The following COPB1 variants were observed in gnomAD, a reference collection of about 807,000 sequenced individuals.
The protein encoded by COPB1 is coatomer subunit beta.
In COPB1, 21 loss-of-function variants were observed where a neutral mutation model predicts 108.7. That is an observed-to-expected ratio of 0.19 (90% CI 0.14 to 0.28). The LOEUF (loss-of-function observed/expected upper bound fraction) is 0.28. Ranked by LOEUF, COPB1 falls within the 10% of genes least tolerant of loss-of-function variation. The pLI, the probability that COPB1 is intolerant of heterozygous loss-of-function variation, is 1.00. For synonymous variants in COPB1, 378 were observed against 386.8 expected (o/e 0.98, Z 0.27); for missense variants, 919 against 1,141.3 (o/e 0.81, Z 2.81).
At chr11:14,485,078 G>A (rs1017381628) in intron 7 of COPB1, among the ~76,000 whole-genome samples, 1 of 152,164 alleles carries the variant, frequency 6.6e-6, no homozygotes, top group Admixed American at 6.5e-5. Flanking sequence ...ATAGCTAACT[G>A]CAGTCTTGAA....
chr11:14,490,812 CAG>C (rs1431244155), intron 4 of COPB1, 133 bp from the exon 5 acceptor site: 5 of 563,676 alleles, frequency 8.9e-6, no homozygotes, highest in Non-Finnish European at 1.5e-5. Context: ...TTTTTGGAGA[CAG>C]AGTCTCACTC....
rs138051240 is a variant in COPB1 at position 14,479,677 on chromosome 11, G to C, written c.1250C>G (p.Ala417Gly). The change falls in exon 11 of 22, where the codon GCT (alanine) becomes GGT (glycine). Residue 417 changes from alanine (A) to glycine (G), a missense_variant. Ala to Gly is a moderately conservative substitution (Grantham distance 60). Around this residue, in one of 5 missense-constraint regions of COPB1, gnomAD observed 705 missense variants for 817.8 expected, o/e 0.86. Coordinates refer to ENST00000439561, the MANE Select transcript of COPB1 (RefSeq NM_001144061.2). ...EFLSDNNEAAAADVLEFVREA... is the reference protein window; with the variant it reads ...EFLSDNNEAAGADVLEFVREA... ...ACGAACAAACTCCAAGACATCAGCA[G>C]CTGCTGCTTCGTTGTTGTCACTGAG... The C allele has an allele frequency of 6.2e-7, 1 of 1,606,512 alleles. No homozygotes were observed. Among genetic ancestry groups the C allele is most frequent in the African/African-American group, 1.3e-5 (1 of 74,308 alleles).
rs1485476782 is a variant in COPB1, at chr11:14,480,771, A to G, written c.1200T>C (p.Asn400=). The G allele has an allele frequency of 6.2e-7, 1 of 1,613,526 alleles. No individual in the cohort carries two copies. The part of the protein sequence containing the change: ...CSVRFPDMAA[N]VIPVLMEFLS... ...CAGAATTACATACCACAGGAATAAC[A>G]TTTGCAGCCATATCTGGAAATCGGA... Residue 400 remains asparagine, a synonymous_variant, in exon 10 of 22, where the codon AAT becomes AAC. Transcript: ENST00000439561.
chr11:14,477,395 A>AAAAAAAAAAAAAAAAAAAAAAAAAAAAT (rs1565017838), intron 11 of COPB1, among the ~76,000 whole-genome samples: 1 of 141,722 alleles, frequency 7.1e-6, no homozygotes, highest in Non-Finnish European at 1.5e-5. Context: ...GTCTCAAAAA[A>AAAAAAAAAAAAAAAAAAAAAAAAAAAAT]AAAAAAAAAA....
At chr11:14,482,298 GCACTGC>G (rs1850676766) in intron 8 of COPB1, among the ~76,000 whole-genome samples, 1 of 152,082 alleles carries the variant, frequency 6.6e-6, no homozygotes, top group Admixed American at 6.5e-5. Flanking sequence ...TCCAAGATCA[GCACTGC>G]ATTTACCTGC....
At chr11:14,491,534 T>C (rs1197142456) in intron 4 of COPB1, among the ~76,000 whole-genome samples, 7 of 152,144 alleles carry the variant, frequency 4.6e-5, no homozygotes, top group Non-Finnish European at 2.9e-5. Flanking sequence ...CCAGGCGTGG[T>C]AGCGCATGCC....
At chr11:14,476,455 A>T (rs2575837) in intron 12 of COPB1, among the ~76,000 whole-genome samples, 1 of 152,052 alleles carries the variant, frequency 6.6e-6, no homozygotes, top group African/African-American at 2.4e-5. Flanking sequence ...ATTACCTAAT[A>T]TAAGAGCACT....
At chr11:14,488,642 T>C (rs1249909454) in intron 5 of COPB1, 58 bp from the exon 6 acceptor site, 47 of 1,122,224 alleles carry the variant, frequency 4.2e-5, no homozygotes, top group Non-Finnish European at 5.8e-5. Context: ...AAGGACTTAA[T>C]GCATCTTAAA....
intron 20 of COPB1, among the ~76,000 whole-genome samples, chr11:14,459,781 T>A (rs978444224): frequency 3.9e-5 from 6 of 152,100 alleles, no homozygotes; most frequent in Admixed American, 6.5e-5. Context: ...CACACCTGGG[T>A]AATTTTTGTA....
intron 6 of COPB1, among the ~76,000 whole-genome samples, chr11:14,487,814 C>A (rs895066892): frequency 8.5e-5 from 13 of 152,114 alleles, no homozygotes; most frequent in South Asian, 6.2e-4. Flanking sequence ...CAGCTATAAT[C>A]AGTTAGTAAT....
intron 2 of COPB1, among the ~76,000 whole-genome samples, chr11:14,496,747 T>C (rs1242884520): frequency 6.7e-6 from 1 of 149,752 alleles, no homozygotes. Flanking sequence ...GCCAAAGCTA[T>C]CCTAAGCAAA....
chr11:14,466,266 T>C lies in COPB1; in HGVS notation c.2290+16A>G. On this transcript the variant is annotated intron_variant, in intron 17 of 21. Coordinates refer to ENST00000439561, the MANE Select transcript of COPB1 (RefSeq NM_001144061.2). Reference sequence around the variant, plus strand: ...ACTATGTGACAATCTCTTTCCTGAATGGTAAGTTTCCTCACCTAGTGTAGC... The same window carrying C: ...ACTATGTGACAATCTCTTTCCTGAACGGTAAGTTTCCTCACCTAGTGTAGC... The C allele has an allele frequency of 6.2e-7, 1 of 1,611,732 alleles. No individual in the cohort carries two copies. Among genetic ancestry groups the C allele is most frequent in the Middle Eastern group, 1.7e-4 (1 of 6,052 alleles).
In COPB1 at chr11:14,457,868, G is replaced by C; in HGVS notation, c.2818C>G (p.Leu940Val). ...TGTGACAAGTTGATTTTATCTCCAA[G>C]ACTTAAGGCCATTCCCTGTAAAGAA... ...RAKSQGMALS[L>V]GDKINLSQKK... Residue 940 changes from leucine (L) to valine (V), a missense_variant, in exon 22 of 22, where the codon CTT (leucine) becomes GTT (valine). Transcript: ENST00000439561. 6.3e-7 allele frequency: 1 copy of C among 1,582,648 alleles called. No individual in the cohort carries two copies. The highest frequency in any genetic ancestry group is 8.6e-7 in the Non-Finnish European group (1 of 1,157,728).
At chr11:14,462,214 T>C (rs1565010920) in intron 18 of COPB1, among the ~76,000 whole-genome samples, 2 of 151,762 alleles carry the variant, frequency 1.3e-5, no homozygotes. Context: ...ACATTCCTCT[T>C]TCTAGGCTCT....
At chr11:14,458,439 C>T (rs1850074085) in intron 21 of COPB1, 93 bp downstream of exon 21, 1 of 1,254,892 alleles carries the variant, frequency 8.0e-7, no homozygotes, top group South Asian at 1.6e-5. Context: ...GCATCTAATG[C>T]TAAAAAGATA....
At position 14,468,623 on chromosome 11, in the gene COPB1, A is replaced by G. The variant is rs141011288; in HGVS notation, c.2145+58T>C. On this transcript the variant is annotated intron_variant, in intron 16 of 21. Coordinates refer to ENST00000439561, the MANE Select transcript of COPB1 (RefSeq NM_001144061.2). ...TCTTTCTTTTAAAAATAGCAGCACT[A>G]ACAACTTCCTTAAGGAGTCGATTTA... is the stretch of plus-strand genomic sequence containing the variant. The G allele has an allele frequency of 5.6e-5, 84 of 1,513,328 alleles. No homozygotes were observed. In the African/African-American group the frequency reaches 9.3e-4, roughly 17 times the overall value. The allele number at this position is 1,513,328 out of a possible 1,614,324, so 93.7% of individuals were successfully genotyped here.
intron 15 of COPB1, 102 bp downstream of exon 15, chr11:14,469,234 G>A (rs1450345065): frequency 5.4e-6 from 5 of 930,380 alleles, no homozygotes; most frequent in Admixed American, 1.8e-5. Context: ...TGGCCCCAAG[G>A]AGTCCTCCTG....
chr11:14,458,647 T>C lies in COPB1; in HGVS notation c.2687A>G (p.Tyr896Cys), dbSNP rs1850078478. 6.2e-7 allele frequency: 1 copy of C among 1,613,022 alleles called. No homozygotes were observed. Among genetic ancestry groups the C allele is most frequent in the Non-Finnish European group, 8.5e-7 (1 of 1,179,588 alleles). Residue 896 changes from tyrosine (Y) to cysteine (C), a missense_variant, in exon 21 of 22, where the codon TAT becomes TGT. By Grantham distance (194) the Tyr-to-Cys change is radical. Coordinates refer to ENST00000439561, the MANE Select transcript of COPB1 (RefSeq NM_001144061.2). ...GYCGFMAANL[Y>C]ARSIFGEDAL... is the part of the protein sequence containing the mutation. ...ATCTTCACCAAATATGGAACGAGCATAAAGGTTGGCTGCCATAAAGCCACA... is the reference window on the plus strand; with the variant it reads ...ATCTTCACCAAATATGGAACGAGCACAAAGGTTGGCTGCCATAAAGCCACA...
At chr11:14,492,917 G>A (rs1235379415) in intron 4 of COPB1, among the ~76,000 whole-genome samples, 10 of 152,068 alleles carry the variant, frequency 6.6e-5, no homozygotes, top group African/African-American at 2.2e-4. Context: ...AGGCCAAGGC[G>A]AGTGGAACAC....
Sources: gnomAD v4.1 joint callset for allele counts (sites outside exome capture counted in the v4.1 genomes callset) on GRCh38, gnomAD v4.1.1 for gene constraint, gnomAD v4.1.1 regional missense constraint, MANE v1.5 for transcripts, NCBI Gene and HGNC (gene_info 2026-07-23, HGNC 2026-07-21) for gene names.